Variants in EP300 observed in about 807,000 individuals in gnomAD.
The protein encoded by EP300 is histone acetyltransferase p300.
Under a neutral mutation model 264.0 loss-of-function variants are expected in EP300, and 31 were observed. The observed-to-expected ratio is 0.12, with a 90% confidence interval of 0.09 to 0.16. The LOEUF (loss-of-function observed/expected upper bound fraction) is 0.16, where lower values mean the gene tolerates loss of function less well. Among genes scored for constraint, EP300 ranks in the 10% least tolerant of loss-of-function variants. The pLI is 1.00. For synonymous variants in EP300, 1,340 were observed against 1,045.4 expected (o/e 1.28, Z -5.44); for missense variants, 2,766 against 3,052.9 (o/e 0.91, Z 2.21).
chr22:41,136,409 G>A (rs1204616007), intron 7 of EP300, among the ~76,000 whole-genome samples: 1 of 152,218 alleles, frequency 6.6e-6, no homozygotes, highest in Non-Finnish European at 1.5e-5. Flanking sequence ...GTAGGATGTT[G>A]CAAGGTTACA....
Position 41,129,894 on chromosome 22 carries a change from A to C in EP300, c.1173A>C (p.Ala391=), listed in dbSNP as rs1252441952. The C allele has an allele frequency of 6.2e-7, 1 of 1,613,302 alleles. No individual in the cohort carries two copies. The highest frequency in any genetic ancestry group is 8.5e-7 in the Non-Finnish European group (1 of 1,179,328). The stretch of plus-strand genomic sequence containing the variant: ...AATATGTTTTCTTCTCTTTAGTGGC[A>C]CACTGTGCATCTTCTCGACAAATCA... ...HCQSGKSCQV[A]HCASSRQIIS... The change falls in exon 5 of 31, where the codon GCA becomes GCC. Residue 391 remains alanine, a synonymous_variant. Coordinates refer to ENST00000263253, the MANE Select transcript of EP300 (RefSeq NM_001429.4).
At chr22:41,170,808 C>T (rs1216323597) in intron 27 of EP300, among the ~76,000 whole-genome samples, 1 of 151,680 alleles carries the variant, frequency 6.6e-6, no homozygotes, top group Non-Finnish European at 1.5e-5. Context: ...ACTACAGGCT[C>T]CTGCCATCAC....
chr22:41,148,310 A>C (rs1256043697), intron 12 of EP300, among the ~76,000 whole-genome samples: 1 of 152,114 alleles, frequency 6.6e-6, no homozygotes, highest in Non-Finnish European at 1.5e-5. Context: ...GCGAACTCTT[A>C]ACCAGTCCAT....
In EP300 at chr22:41,149,753, T is replaced by A. The variant is rs1228015118; in HGVS notation, c.2380-8T>A. Reference sequence around the variant, plus strand: ...ATTGCTGTCTTGTTATGTTTTTTATTTTAACAGGCACAAATGTCTAGTTCT... The same window carrying A: ...ATTGCTGTCTTGTTATGTTTTTTATATTAACAGGCACAAATGTCTAGTTCT... On this transcript the variant is annotated splice_region_variant and splice_polypyrimidine_tract_variant and intron_variant, in intron 13 of 30. Coordinates refer to ENST00000263253, the MANE Select transcript of EP300 (RefSeq NM_001429.4). The A allele has an allele frequency of 6.2e-7, 1 of 1,614,094 alleles. No homozygotes were observed. The highest frequency in any genetic ancestry group is 8.5e-7 in the Non-Finnish European group (1 of 1,179,976).
rs747318901 is a variant in EP300, at chr22:41,170,587, G to A, written c.4452+16G>A. The A allele has an allele frequency of 6.2e-7, 1 of 1,613,108 alleles. No homozygotes were observed. The highest frequency in any genetic ancestry group is 1.7e-5 in the Admixed American group (1 of 59,970). On this transcript the variant is annotated intron_variant, in intron 27 of 30. Transcript: ENST00000263253. ...TGACTACAAGGTCAGTTGGGACATA[G>A]GGGCCAGGTGCTGACAATAGATCTG...
At chr22:41,119,172 A>ATT (rs796885809) in intron 2 of EP300, among the ~76,000 whole-genome samples, 5,942 of 106,830 alleles carry the variant, frequency 0.056, 632 homozygotes, top group East Asian at 0.15. Flanking sequence ...CTGGCTTATT[A>ATT]TTATTTTTTT....
rs745955285 is a variant in EP300 at position 41,131,649 on chromosome 22, C to A, written c.1528+16C>A. Reference sequence around the variant, plus strand: ...AGCAACATGAGTAAGTTTGTGTCATCCTAATAACATGGTATTGGTTGTGTC... The same window carrying A: ...AGCAACATGAGTAAGTTTGTGTCATACTAATAACATGGTATTGGTTGTGTC... On this transcript the variant is annotated intron_variant, in intron 6 of 30. Coordinates refer to ENST00000263253, the MANE Select transcript of EP300 (RefSeq NM_001429.4). 6.2e-7 allele frequency: 1 copy of A among 1,613,848 alleles called. No individual in the cohort carries two copies. Among genetic ancestry groups the A allele is most frequent in the Non-Finnish European group, 8.5e-7 (1 of 1,180,030 alleles).
At chr22:41,169,256 A>C in intron 25 of EP300, 1 of 577,308 alleles carries the variant, frequency 1.7e-6, no homozygotes, top group Non-Finnish European at 3.1e-6. Flanking sequence ...AGGGATCACC[A>C]AATACTGATT....
At position 41,143,676 on chromosome 22, in the gene EP300, G is replaced by T. The variant is rs563687731; in HGVS notation, c.2053+2454G>T. 3.9e-5 allele frequency among the ~76,000 whole-genome samples: 6 copies of T among 152,024 alleles called. No homozygotes were observed. In the East Asian group the frequency reaches 1.2e-3, roughly 29 times the overall value. On this transcript the variant is annotated intron_variant, in intron 10 of 30. Coordinates refer to ENST00000263253, the MANE Select transcript of EP300 (RefSeq NM_001429.4). ...CTGCAACCTCTGCCTCCCAGATTCA[G>T]TTGATTCTTGTACCTCAGCATCCCC...
intron 1 of EP300, among the ~76,000 whole-genome samples, 200 bp downstream of exon 1, chr22:41,093,298 CTA>C (rs2058684317): frequency 6.6e-6 from 1 of 152,182 alleles, no homozygotes; most frequent in South Asian, 2.1e-4. Flanking sequence ...GATTGCAACA[CTA>C]TGTCATATCG....
At chr22:41,116,704 C>T (rs750303694) in intron 1 of EP300, among the ~76,000 whole-genome samples, 29 of 151,928 alleles carry the variant, frequency 1.9e-4, no homozygotes, top group Non-Finnish European at 2.4e-4. Context: ...AACCAAATAT[C>T]CCCTCAATTT....
chr22:41,131,568 C>T lies in EP300; in HGVS notation c.1463C>T (p.Ala488Val), dbSNP rs2145715765. Residue 488 changes from alanine (A) to valine (V), a missense_variant, in exon 6 of 31, where the codon GCA (alanine) becomes GTA (valine). Physicochemically the swap from Ala to Val is moderately conservative, Grantham distance 64 (BLOSUM62 0). Coordinates refer to ENST00000263253, the MANE Select transcript of EP300 (RefSeq NM_001429.4). ...ATGCCGACACAACCCCAGGTGCAAG[C>T]AAAGAACCAGCAGAATCAGCAGCCT... ...NQMPTQPQVQ[A>V]KNQQNQQPGQ... The T allele has an allele frequency of 1.2e-6, 2 of 1,614,050 alleles. No homozygotes were observed. The highest frequency in any genetic ancestry group is 1.7e-6 in the Non-Finnish European group (2 of 1,180,026).
intron 2 of EP300, among the ~76,000 whole-genome samples, chr22:41,125,424 T>TG (rs199952954): frequency 1.3e-5 from 2 of 149,788 alleles, no homozygotes; most frequent in South Asian, 2.1e-4. Context: ...GGCTGTTTTT[T>TG]GGGGTTTTTT....
intron 11 of EP300, 94 bp downstream of exon 11, chr22:41,146,910 C>T: frequency 9.0e-7 from 1 of 1,107,456 alleles, no homozygotes; most frequent in Non-Finnish European, 1.3e-6. Flanking sequence ...ATGCCAACAG[C>T]AAGTGTCATG....
chr22:41,158,381 T>C (rs2145749346), intron 18 of EP300, 31 bp from the exon 19 acceptor site: 1 of 1,602,152 alleles, frequency 6.2e-7, no homozygotes, highest in African/African-American at 1.3e-5. Context: ...TTAAGGCCTC[T>C]GTGCTTTTTA....
intron 28 of EP300, 148 bp from the exon 29 acceptor site, chr22:41,173,475 G>A: frequency 1.1e-6 from 1 of 890,920 alleles, no homozygotes; most frequent in Non-Finnish European, 1.7e-6. Flanking sequence ...ACTTTAAGGA[G>A]AAAGAATAAG....
At chr22:41,147,485 C>G (rs567261592) in intron 11 of EP300, among the ~76,000 whole-genome samples, 1 of 152,126 alleles carries the variant, frequency 6.6e-6, no homozygotes, top group Non-Finnish European at 1.5e-5. Context: ...CGCCTGTAAT[C>G]CCAGCACTTT....
intron 10 of EP300, among the ~76,000 whole-genome samples, chr22:41,142,225 A>G (rs1356292947): frequency 6.6e-6 from 1 of 152,170 alleles, no homozygotes; most frequent in Non-Finnish European, 1.5e-5. Flanking sequence ...GGAAATGCTA[A>G]TGACCTCTAA....
intron 11 of EP300, among the ~76,000 whole-genome samples, chr22:41,147,179 G>C (rs2059015951): frequency 6.6e-6 from 1 of 152,054 alleles, no homozygotes; most frequent in Non-Finnish European, 1.5e-5. Flanking sequence ...AGTGGCACGG[G>C]CCTGTAATCC....
Sources: allele counts gnomAD v4.1 joint callset (sites outside exome capture counted in the v4.1 genomes callset), GRCh38; gene constraint gnomAD v4.1.1; transcripts MANE v1.5; gene names NCBI Gene and HGNC (gene_info 2026-07-23, HGNC 2026-07-21).